The following PKD1L3 variants were observed in gnomAD, a reference collection of about 807,000 sequenced individuals.
PKD1L3 encodes the protein polycystin 1 like 3, transient receptor potential channel interacting.
A neutral mutation model predicts 184.1 loss-of-function variants in PKD1L3; 239 were observed. That is an observed-to-expected ratio of 1.30 (90% confidence interval 1.17 to 1.45). PKD1L3 has a LOEUF of 1.45. Among genes scored for constraint, PKD1L3 ranks in the 40% most tolerant of loss-of-function variants. PKD1L3 has a pLI of 0.00. For synonymous variants in PKD1L3, 996 were observed against 778.8 expected, an observed-to-expected ratio of 1.28 and a Z score of -4.64; for missense variants, 2,660 against 2,067.2, an observed-to-expected ratio of 1.29 and a Z score of -5.56.
intron 21 of PKD1L3, among the ~76,000 whole-genome samples, chr16:71,949,573 G>T (rs371607340): frequency 6.6e-6 from 1 of 151,872 alleles, no homozygotes; most frequent in African/African-American, 2.4e-5. Context: ...GGCTGGTCTC[G>T]AACACCTGGA....
chr16:71,951,833 C>A (rs568516916), intron 18 of PKD1L3, 89 bp from the exon 19 acceptor site: 10 of 1,212,874 alleles, frequency 8.2e-6, no homozygotes, highest in South Asian at 3.2e-5. Context: ...CGTTCCCTTT[C>A]GTCAGAAGGG....
chr16:71,953,973 C>G, intron 17 of PKD1L3, 132 bp downstream of exon 17: 1 of 719,550 alleles, frequency 1.4e-6, no homozygotes, highest in Non-Finnish European at 2.1e-6. Flanking sequence ...CCTAGCACTT[C>G]AGGAGGCTGA....
At position 71,961,897 on chromosome 16, in the gene PKD1L3, A is replaced by G. The variant is rs1458225827; in HGVS notation, c.2612+1308T>C. On this transcript the variant is annotated intron_variant, in intron 16 of 29. Coordinates refer to ENST00000620267, the MANE Select transcript of PKD1L3 (RefSeq NM_181536.2). ...GTTCTGGGAGTCAAGTACCAGAAGA[A>G]ACAGTTCCATGTTTTTTTGCCTTTA... Among the ~76,000 whole-genome samples, 3 of 152,226 alleles carry G rather than the reference A, an allele frequency of 2.0e-5. No homozygotes were observed. The East Asian group carries it at 5.8e-4, about 29-fold the overall frequency.
Position 71,942,760 on chromosome 16 carries a change from T to C in PKD1L3, c.4124A>G (p.Tyr1375Cys), listed in dbSNP as rs1300644714. The C allele has an allele frequency of 3.2e-6, 5 of 1,551,546 alleles. No individual in the cohort carries two copies. The highest frequency in any genetic ancestry group is 2.0e-5 in the Admixed American group (1 of 50,962). Reference protein sequence around the residue: ...LIFQIPRTKTYEKVDEGQLAF... With the variant: ...LIFQIPRTKTCEKVDEGQLAF... ...CAGCTGACCTTCGTCCACTTTCTCA[T>C]AGGTCTTGGTACGGGGTATTTGGAA... Residue 1375 changes from tyrosine to cysteine, a missense_variant, in exon 24 of 30, where the codon TAT becomes TGT. Physicochemically the swap from Tyr to Cys is radical, Grantham distance 194 (BLOSUM62 -2). Coordinates refer to ENST00000620267, the MANE Select transcript of PKD1L3 (RefSeq NM_181536.2).
intron 2 of PKD1L3, 146 bp from the exon 3 acceptor site, chr16:71,993,478 C>A: frequency 1.7e-6 from 1 of 585,284 alleles, no homozygotes; most frequent in Non-Finnish European, 2.9e-6. Context: ...ACTAAGAATT[C>A]TGCAGTAGCC....
intron 25 of PKD1L3, among the ~76,000 whole-genome samples, chr16:71,936,785 T>G (rs1021621772): frequency 6.6e-6 from 1 of 152,146 alleles, no homozygotes; most frequent in Non-Finnish European, 1.5e-5. Context: ...TTTGTATTTT[T>G]GAGTGCTTGC....
chr16:71,982,557 T>C (rs1358826051), intron 6 of PKD1L3, among the ~76,000 whole-genome samples: 1 of 151,946 alleles, frequency 6.6e-6, no homozygotes, highest in Admixed American at 6.6e-5. Flanking sequence ...AGTGCTGGGA[T>C]TACAGGTGTG....
intron 13 of PKD1L3, among the ~76,000 whole-genome samples, chr16:71,968,930 CTTTTTT>C (rs1196853513): frequency 1.5e-5 from 2 of 137,506 alleles, no homozygotes; most frequent in Admixed American, 7.4e-5. Flanking sequence ...TTACATATAA[CTTTTTT>C]TTTTTTGAGA....
intron 10 of PKD1L3, 93 bp from the exon 11 acceptor site, chr16:71,977,560 CTTTTT>C (rs1555523481): frequency 2.4e-4 from 133 of 543,088 alleles, no homozygotes; most frequent in East Asian, 7.2e-4. Flanking sequence ...CGTCCTAGCT[CTTTTT>C]TTTTTTTTTT....
intron 3 of PKD1L3, among the ~76,000 whole-genome samples, chr16:71,990,793 G>C (rs550313256): frequency 3.2e-4 from 48 of 151,202 alleles, no homozygotes; most frequent in Admixed American, 8.6e-4. Flanking sequence ...AACCTATGAT[G>C]ATCACTCGAG....
chr16:71,979,153 T>C (rs1026238061), intron 9 of PKD1L3, among the ~76,000 whole-genome samples: 2 of 152,070 alleles, frequency 1.3e-5, no homozygotes. Context: ...TTTTTGTAAA[T>C]AGTGCAGAGG....
chr16:71,993,220 G>C lies in PKD1L3; in HGVS notation c.531C>G (p.Pro177=). 1 of 1,541,598 alleles carries C rather than the reference G, an allele frequency of 6.5e-7. No individual in the cohort carries two copies. The highest frequency in any genetic ancestry group is 8.8e-7 in the Non-Finnish European group (1 of 1,140,228). The change falls in exon 3 of 30, where the codon CCC becomes CCG. Residue 177 remains proline (P), a synonymous_variant. Coordinates refer to ENST00000620267, the MANE Select transcript of PKD1L3 (RefSeq NM_181536.2). ...ACTAGAGGAGTAACGCATTACCTGG[G>C]GGCATTTTGTCTCTTGCTATTGCAA... The part of the protein sequence containing the change: ...RGVAIARDKM[P]PGPGHLPTTC...
chr16:71,984,052 A>G lies in PKD1L3; in HGVS notation c.950T>C (p.Phe317Ser). Residue 317 changes from phenylalanine to serine, a missense_variant, in exon 6 of 30, where the codon TTT (phenylalanine) becomes TCT (serine). Physicochemically the swap from Phe to Ser is radical, Grantham distance 155 (BLOSUM62 -2). Coordinates refer to ENST00000620267, the MANE Select transcript of PKD1L3 (RefSeq NM_181536.2). Reference sequence around the variant, plus strand: ...TCCACTTACCTGAGCTGGCTTAGAAAATCTTGGGGTTAAGGCTGTTAGTTT... The same window carrying G: ...TCCACTTACCTGAGCTGGCTTAGAAGATCTTGGGGTTAAGGCTGTTAGTTT... The part of the protein sequence containing the change: ...LQKLTALTPR[F>S]SKPAQVNLIN... 1.3e-6 allele frequency: 2 copies of G among 1,552,078 alleles called. No individual in the cohort carries two copies. The highest frequency in any genetic ancestry group is 2.4e-5 in the South Asian group (2 of 84,038).
At position 71,944,109 on chromosome 16, in the gene PKD1L3, T is replaced by C. The variant is rs2038466605; in HGVS notation, c.3780A>G (p.Pro1260=). 1 of 1,551,448 alleles carries C rather than the reference T, an allele frequency of 6.4e-7. No individual in the cohort carries two copies. The highest frequency in any genetic ancestry group is 2.0e-5 in the Admixed American group (1 of 50,974). The change falls in exon 23 of 30, where the codon CCA becomes CCG. Residue 1260 remains proline (P), a synonymous_variant. Coordinates refer to ENST00000620267, the MANE Select transcript of PKD1L3 (RefSeq NM_181536.2). ...RDKNNPVYVA[P]AINSPTKHPE... ...GGTGCTTAGTTGGACTATTTATAGCTGGGGCTACATAGACGGGGTTGTTCT... is the reference window on the plus strand; with the variant it reads ...GGTGCTTAGTTGGACTATTTATAGCCGGGGCTACATAGACGGGGTTGTTCT...
chr16:71,992,791 CTTCT>C (rs1225231764), intron 3 of PKD1L3, among the ~76,000 whole-genome samples: 2 of 152,196 alleles, frequency 1.3e-5, no homozygotes, highest in African/African-American at 2.4e-5. Context: ...ATCTGTTTCA[CTTCT>C]TTCTTTCAGT....
At chr16:71,996,253 C>CT (rs67457253) in intron 2 of PKD1L3, among the ~76,000 whole-genome samples, 139 of 67,892 alleles carry the variant, frequency 2.0e-3, no homozygotes, top group East Asian at 6.9e-3. Flanking sequence ...CCTCCCCCGC[C>CT]TTTTTTTTTT....
At chr16:71,953,608 A>T (rs1031935612) in intron 17 of PKD1L3, among the ~76,000 whole-genome samples, 2 of 152,166 alleles carry the variant, frequency 1.3e-5, no homozygotes, top group African/African-American at 4.8e-5. Flanking sequence ...CTTTTTTTTA[A>T]TCCCCGAGAC....
chr16:71,971,820 C>T (rs1033506390), intron 12 of PKD1L3, among the ~76,000 whole-genome samples: 2 of 152,166 alleles, frequency 1.3e-5, no homozygotes, highest in Admixed American at 1.3e-4. Context: ...CTCTGTCATG[C>T]CTGTAATTCC....
In PKD1L3 at chr16:71,937,380, G is replaced by T; in HGVS notation, c.4364C>A (p.Ser1455Tyr). Reference sequence around the variant, plus strand: ...ACAGCCCTTCTTTGACATCTGAAGGGAAGTGAAGCTTTCCAGTCTCAAAGA... The same window carrying T: ...ACAGCCCTTCTTTGACATCTGAAGGTAAGTGAAGCTTTCCAGTCTCAAAGA... ...FTSLRLESFT[S>Y]LQMSKKGCVW... The change falls in exon 25 of 30, where the codon TCC (serine) becomes TAC (tyrosine). Residue 1455 changes from serine to tyrosine, a missense_variant. Ser to Tyr is a moderately radical substitution (Grantham distance 144). Coordinates refer to ENST00000620267, the MANE Select transcript of PKD1L3 (RefSeq NM_181536.2). 6.4e-7 allele frequency: 1 copy of T among 1,551,680 alleles called. No homozygotes were observed. The highest frequency in any genetic ancestry group is 8.7e-7 in the Non-Finnish European group (1 of 1,146,954).
Sources: gnomAD v4.1 joint callset for allele counts (sites outside exome capture counted in the v4.1 genomes callset) on GRCh38, gnomAD v4.1.1 for gene constraint, MANE v1.5 for transcripts, NCBI Gene and HGNC (gene_info 2026-07-23, HGNC 2026-07-21) for gene names.